EYA2: variants seen among roughly 807,000 people sequenced by gnomAD.
EYA2 encodes protein phosphatase EYA2.
EYA2 carries 31 observed loss-of-function variants against 69.2 expected under a neutral mutation model. The ratio of observed to expected loss-of-function variants is 0.45; its 90% CI spans 0.34 to 0.60. The LOEUF is 0.60. Ranked by LOEUF, EYA2 falls within the 20% of genes least tolerant of loss-of-function variation. The pLI, the probability that EYA2 is intolerant of heterozygous loss-of-function variation, is 0.02. For synonymous variants in EYA2, 257 were observed against 279.4 expected (o/e 0.92, Z 0.80); for missense variants, 622 against 701.2 (o/e 0.89, Z 1.28).
chr20:47,019,213 A>T (rs541189017), intron 5 of EYA2, among the ~76,000 whole-genome samples: 4 of 152,074 alleles, frequency 2.6e-5, no homozygotes, highest in African/African-American at 4.8e-5. Context: ...CCACCAGCCA[A>T]CGTCTCCAGC....
At chr20:46,965,343 C>T (rs915146570) in intron 1 of EYA2, among the ~76,000 whole-genome samples, 3 of 152,224 alleles carry the variant, frequency 2.0e-5, no homozygotes, top group African/African-American at 7.2e-5. Context: ...TCTGGCTCTT[C>T]GAATCCTTAA....
chr20:46,950,199 AT>A (rs1383774150), intron 1 of EYA2, among the ~76,000 whole-genome samples: 1 of 152,230 alleles, frequency 6.6e-6, no homozygotes, highest in Admixed American at 6.5e-5. Context: ...GTTGAGTGAT[AT>A]AAAAAATAAT....
intron 9 of EYA2, among the ~76,000 whole-genome samples, chr20:47,142,543 C>A (rs1335337180): frequency 1.3e-5 from 2 of 152,182 alleles, no homozygotes; most frequent in Non-Finnish European, 2.9e-5. Context: ...TTATCATTAA[C>A]CCTCTATTGT....
chr20:47,166,419 A>AT (rs2034193194), intron 10 of EYA2, among the ~76,000 whole-genome samples: 1 of 142,286 alleles, frequency 7.0e-6, no homozygotes, highest in Admixed American at 6.8e-5. Flanking sequence ...AAAAAAAAAA[A>AT]AAAAAAAAAA....
At chr20:46,992,667 G>A (rs1021052952) in intron 2 of EYA2, among the ~76,000 whole-genome samples, 5 of 152,224 alleles carry the variant, frequency 3.3e-5, no homozygotes, top group African/African-American at 1.2e-4. Context: ...ACTTGGAGCT[G>A]TCAGTGCCCT....
At chr20:46,959,654 A>T (rs1226507568) in intron 1 of EYA2, among the ~76,000 whole-genome samples, 1 of 152,130 alleles carries the variant, frequency 6.6e-6, no homozygotes, top group Admixed American at 6.5e-5. Flanking sequence ...ACGCACACGC[A>T]CGCACACGCA....
At chr20:47,067,742 G>A (rs1413715087) in intron 5 of EYA2, among the ~76,000 whole-genome samples, 2 of 151,926 alleles carry the variant, frequency 1.3e-5, no homozygotes, top group Admixed American at 1.3e-4. Context: ...CCTTCCTGAT[G>A]TTTCCAGCTT....
intron 15 of EYA2, among the ~76,000 whole-genome samples, chr20:47,185,276 C>CTTTTTTTTTTTTTTTTT (rs765083065): frequency 5.4e-5 from 3 of 55,932 alleles, no homozygotes; most frequent in East Asian, 1.3e-3. Context: ...GAATCACACT[C>CTTTTTTTTTTTTTTTTT]TTTTTTTTTT....
At chr20:46,910,970 G>C (rs1250085475) in intron 1 of EYA2, among the ~76,000 whole-genome samples, 1 of 152,168 alleles carries the variant, frequency 6.6e-6, no homozygotes, top group African/African-American at 2.4e-5. Context: ...GTTCACCCAA[G>C]TCCTCACCTT....
At chr20:47,108,792 C>G (rs1441851226) in intron 9 of EYA2, among the ~76,000 whole-genome samples, 1 of 151,884 alleles carries the variant, frequency 6.6e-6, no homozygotes, top group Non-Finnish European at 1.5e-5. Context: ...TGGGCTCAAG[C>G]GATCCTCCCC....
At chr20:46,991,284 G>C (rs1362442780) in intron 2 of EYA2, among the ~76,000 whole-genome samples, 1 of 152,230 alleles carries the variant, frequency 6.6e-6, no homozygotes, top group Non-Finnish European at 1.5e-5. Context: ...GGCTGCTCAG[G>C]GGGGAATCCC....
intron 9 of EYA2, among the ~76,000 whole-genome samples, chr20:47,135,834 A>C (rs1312581111): frequency 1.3e-4 from 11 of 83,124 alleles, no homozygotes; most frequent in East Asian, 5.5e-4. Context: ...AAAAAAAAAA[A>C]AAAAAAACAA....
At chr20:46,922,946 G>C (rs1375199903) in intron 1 of EYA2, among the ~76,000 whole-genome samples, 1 of 152,018 alleles carries the variant, frequency 6.6e-6, no homozygotes, top group African/African-American at 2.4e-5. Context: ...ATTCTGGGAG[G>C]GTGCATGACC....
At chr20:47,023,638 T>TTG (rs538106403) in intron 5 of EYA2, among the ~76,000 whole-genome samples, 7 of 70,474 alleles carry the variant, frequency 9.9e-5, no homozygotes, top group Non-Finnish European at 2.8e-4. Context: ...GGGTGTTTTT[T>TTG]TTTTTTTTTT....
chr20:46,996,532 CAA>C (rs2146338001), intron 2 of EYA2, among the ~76,000 whole-genome samples: 1 of 152,306 alleles, frequency 6.6e-6, no homozygotes, highest in Admixed American at 6.5e-5. Context: ...GCACTGGTCT[CAA>C]ATGTCCATTG....
At chr20:47,131,404 T>C (rs1276162977) in intron 9 of EYA2, among the ~76,000 whole-genome samples, 1 of 152,184 alleles carries the variant, frequency 6.6e-6, no homozygotes, top group Non-Finnish European at 1.5e-5. Flanking sequence ...CTAAAACAGA[T>C]TCATGGATGA....
chr20:47,183,673 T>A (rs1160884810), intron 15 of EYA2, among the ~76,000 whole-genome samples: 1 of 152,192 alleles, frequency 6.6e-6, no homozygotes, highest in Non-Finnish European at 1.5e-5. Context: ...CAGGGCAGGC[T>A]GGTGGGGGGC....
chr20:46,928,636 C>T (rs572670585), intron 1 of EYA2, among the ~76,000 whole-genome samples: 1 of 152,348 alleles, frequency 6.6e-6, no homozygotes, highest in Admixed American at 6.5e-5. Context: ...ACTCTGTGCC[C>T]TCCGGGAGCT....
chr20:47,018,461 A>G (rs185313911), intron 5 of EYA2, among the ~76,000 whole-genome samples: 1 of 152,342 alleles, frequency 6.6e-6, no homozygotes, highest in East Asian at 1.9e-4. Context: ...ATTTTGATAA[A>G]GCCTGTGACA....
Sources: allele counts gnomAD v4.1 joint callset (sites outside exome capture counted in the v4.1 genomes callset), GRCh38; gene constraint gnomAD v4.1.1; transcripts MANE v1.5; gene names NCBI Gene and HGNC (gene_info 2026-07-23, HGNC 2026-07-21).